The following CNTNAP5 variants were observed in gnomAD, a reference collection of about 807,000 sequenced individuals.
The protein encoded by CNTNAP5 is contactin-associated protein-like 5.
Under a neutral mutation model 150.2 loss-of-function variants are expected in CNTNAP5, and 72 were observed. The observed-to-expected ratio is 0.48, with a 90% CI of 0.40 to 0.58. The LOEUF (loss-of-function observed/expected upper bound fraction) is 0.58, where lower values mean the gene tolerates loss of function less well. Ranked by LOEUF, CNTNAP5 falls within the 20% of genes least tolerant of loss-of-function variation. CNTNAP5 has a pLI of 0.00. For synonymous variants in CNTNAP5, 672 were observed against 619.8 expected (o/e 1.08, Z -1.25); for missense variants, 1,636 against 1,626.2 (o/e 1.01, Z -0.10).
At position 124,854,681 on chromosome 2, in the gene CNTNAP5, T is replaced by C. The variant is rs558211782; in HGVS notation, c.3218-10625T>C. On this transcript the variant is annotated intron_variant, in intron 19 of 23. Coordinates refer to ENST00000682447, the MANE Select transcript of CNTNAP5 (RefSeq NM_001367498.1). ...GCTATTTTATTCAACAAATGTCTTCTGGAGATTTAAGATAGCATGTCCCAT... is the reference window on the plus strand; with the variant it reads ...GCTATTTTATTCAACAAATGTCTTCCGGAGATTTAAGATAGCATGTCCCAT... Among the ~76,000 whole-genome samples the C allele has an allele frequency of 5.3e-5, 8 of 152,356 alleles. No homozygotes were observed. The South Asian group carries it at 1.7e-3, about 32-fold the overall frequency.
chr2:124,058,738 T>A (rs1403639333), intron 1 of CNTNAP5, among the ~76,000 whole-genome samples: 1 of 152,226 alleles, frequency 6.6e-6, no homozygotes, highest in Admixed American at 6.5e-5. Context: ...TCTCTTTAAA[T>A]CATGATGTCT....
intron 3 of CNTNAP5, among the ~76,000 whole-genome samples, chr2:124,334,416 T>A (rs931857075): frequency 6.6e-6 from 1 of 151,932 alleles, no homozygotes; most frequent in Non-Finnish European, 1.5e-5. Flanking sequence ...TTTTACACTA[T>A]CCCTGGCAAA....
chr2:124,865,952 AT>A (rs1292268874), intron 20 of CNTNAP5, among the ~76,000 whole-genome samples: 1 of 146,866 alleles, frequency 6.8e-6, no homozygotes, highest in Non-Finnish European at 1.5e-5. Context: ...AAAAAAAAAA[AT>A]TAAAAGAAAA....
chr2:124,494,276 G>T (rs1317798339), intron 7 of CNTNAP5, among the ~76,000 whole-genome samples: 4 of 152,078 alleles, frequency 2.6e-5, no homozygotes, highest in Non-Finnish European at 5.9e-5. Context: ...TGAGGCCAAA[G>T]GCCTGAGAAC....
intron 13 of CNTNAP5, among the ~76,000 whole-genome samples, chr2:124,688,226 A>G (rs1679232037): frequency 6.6e-6 from 1 of 152,154 alleles, no homozygotes; most frequent in Non-Finnish European, 1.5e-5. Flanking sequence ...CAGCTATGAT[A>G]GATTCTTTTG....
At chr2:124,788,329 A>T (rs1358469332) in intron 17 of CNTNAP5, among the ~76,000 whole-genome samples, 2 of 152,248 alleles carry the variant, frequency 1.3e-5, no homozygotes, top group Admixed American at 6.5e-5. Flanking sequence ...TTCAAGAAAC[A>T]TATAAAATCT....
intron 1 of CNTNAP5, among the ~76,000 whole-genome samples, chr2:124,091,490 T>C (rs1682812559): frequency 6.6e-6 from 1 of 152,174 alleles, no homozygotes; most frequent in Non-Finnish European, 1.5e-5. Flanking sequence ...TATTAGTTTT[T>C]ATCACTTTGA....
intron 1 of CNTNAP5, among the ~76,000 whole-genome samples, chr2:124,079,386 C>T (rs1012580278): frequency 1.3e-5 from 2 of 152,180 alleles, no homozygotes; most frequent in African/African-American, 4.8e-5. Context: ...CTCTGGGCCA[C>T]AGCTGTTTGG....
At chr2:124,396,463 TA>T (rs1691246718) in intron 3 of CNTNAP5, among the ~76,000 whole-genome samples, 1 of 152,206 alleles carries the variant, frequency 6.6e-6, no homozygotes, top group Non-Finnish European at 1.5e-5. Context: ...TTCACAGTTC[TA>T]GGGGGTCCCT....
At chr2:124,305,706 GCT>G (rs934025550) in intron 3 of CNTNAP5, among the ~76,000 whole-genome samples, 8 of 152,108 alleles carry the variant, frequency 5.3e-5, no homozygotes, top group Non-Finnish European at 1.0e-4. Flanking sequence ...TTGCCCTTTT[GCT>G]CTTTCATTCT....
chr2:124,386,175 ATAGC>A (rs1371432747), intron 3 of CNTNAP5, among the ~76,000 whole-genome samples: 1 of 152,150 alleles, frequency 6.6e-6, no homozygotes, highest in Non-Finnish European at 1.5e-5. Flanking sequence ...CCTTTGTATG[ATAGC>A]TGCGCAGAAT....
At chr2:124,660,644 G>GTT (rs34191470) in intron 13 of CNTNAP5, among the ~76,000 whole-genome samples, 1 of 151,912 alleles carries the variant, frequency 6.6e-6, no homozygotes, top group Non-Finnish European at 1.5e-5. Flanking sequence ...AATTGGGTGC[G>GTT]TTTTTTGCAT....
At chr2:124,907,097 G>A (rs1011788820) in intron 22 of CNTNAP5, among the ~76,000 whole-genome samples, 7 of 152,044 alleles carry the variant, frequency 4.6e-5, no homozygotes, top group African/African-American at 7.2e-5. Context: ...CAGAGTTTTG[G>A]GTTGTATGGA....
intron 1 of CNTNAP5, among the ~76,000 whole-genome samples, chr2:124,203,631 C>T (rs1230180472): frequency 1.3e-5 from 2 of 152,204 alleles, no homozygotes; most frequent in Non-Finnish European, 2.9e-5. Flanking sequence ...TCCCAAACCT[C>T]AAATCTTGAC....
chr2:124,125,381 C>A (rs1055274806), intron 1 of CNTNAP5, among the ~76,000 whole-genome samples: 2 of 152,136 alleles, frequency 1.3e-5, no homozygotes, highest in African/African-American at 4.8e-5. Context: ...AATATATATG[C>A]ACCCAATACA....
At chr2:124,904,055 AAAAAAAAAAC>A (rs201227640) in intron 22 of CNTNAP5, among the ~76,000 whole-genome samples, 1,538 of 148,522 alleles carry the variant, frequency 0.01, 51 homozygotes, top group African/African-American at 0.034. Flanking sequence ...CTCTGTTTCA[AAAAAAAAAAC>A]AAAAAAAAAA....
rs111611134 is a variant in CNTNAP5, at chr2:124,698,819, C to G, written c.2078-48410C>G. Among the ~76,000 whole-genome samples, 332 of 152,262 alleles carry G rather than the reference C, an allele frequency of 2.2e-3. 3 individuals are homozygous for G. Among genetic ancestry groups the G allele is most frequent in the African/African-American group, 7.5e-3 (311 of 41,576 alleles). ...TCCCACTCTGAGGATTTCCCACCCC[C>G]TAGGCCATTAGAAAACCTGCATGAG... On this transcript the variant is annotated intron_variant, in intron 13 of 23. Coordinates refer to ENST00000682447, the MANE Select transcript of CNTNAP5 (RefSeq NM_001367498.1).
chr2:124,769,300 T>TA lies in CNTNAP5; in HGVS notation c.2534-3498dup, dbSNP rs796716683. Among the ~76,000 whole-genome samples, 26 of 152,282 alleles carry TA rather than the reference T, an allele frequency of 1.7e-4. 1 individual carries two copies. The highest frequency in any genetic ancestry group is 6.0e-4 in the African/African-American group (25 of 41,562). Reference sequence around the variant, plus strand: ...CCCTAAACATGCCCTTTCTTTTTTTTATCAGTCTTCTCAAAAGTAAATCAT... The same window carrying TA: ...CCCTAAACATGCCCTTTCTTTTTTTTAATCAGTCTTCTCAAAAGTAAATCAT... On this transcript the variant is annotated intron_variant, in intron 16 of 23. Transcript: ENST00000682447.
chr2:124,895,665 G>A lies in CNTNAP5; in HGVS notation c.3437-7217G>A, dbSNP rs1435715827. ...TAGGTGGTTAGTTACAAGCAAAACA[G>A]GAACCCTTTCTTCAAGAAACTGATG... On this transcript the variant is annotated intron_variant, in intron 21 of 23. Transcript: ENST00000682447. Among the ~76,000 whole-genome samples, 4 of 151,472 alleles carry A rather than the reference G, an allele frequency of 2.6e-5. No homozygotes were observed. In the East Asian group the frequency reaches 7.7e-4, roughly 29 times the overall value.
Sources: allele counts gnomAD v4.1 joint callset (sites outside exome capture counted in the v4.1 genomes callset), GRCh38; gene constraint gnomAD v4.1.1; transcripts MANE v1.5; gene names NCBI Gene and HGNC (gene_info 2026-07-23, HGNC 2026-07-21).